Variants in RAPGEF2 observed in about 807,000 individuals in gnomAD.
The protein encoded by RAPGEF2 is PDZ domain containing guanine nucleotide exchange factor (GEF) 1.
In RAPGEF2, 54 loss-of-function variants were observed where a neutral mutation model predicts 186.7. The ratio of observed to expected loss-of-function variants is 0.29; its 90% CI spans 0.23 to 0.36. The LOEUF (loss-of-function observed/expected upper bound fraction) is 0.36. RAPGEF2 is among the 10% of genes least tolerant of loss of function. The pLI is 1.00. For missense variants in RAPGEF2, 1,532 were observed against 2,045.0 expected (o/e 0.75, Z 4.84); for synonymous variants, 712 against 705.9 (o/e 1.01, Z -0.14).
intron 7 of RAPGEF2, among the ~76,000 whole-genome samples, chr4:159,248,303 A>G (rs1754892409): frequency 6.6e-6 from 1 of 152,208 alleles, no homozygotes; most frequent in Non-Finnish European, 1.5e-5. Flanking sequence ...AAGAGGATGA[A>G]GAGAGAGTGT....
At chr4:159,221,537 G>A (rs776005098) in intron 4 of RAPGEF2, among the ~76,000 whole-genome samples, 6 of 152,146 alleles carry the variant, frequency 3.9e-5, no homozygotes, top group Non-Finnish European at 7.3e-5. Flanking sequence ...ACTCTGCAAC[G>A]TGATGTGCCC....
chr4:159,145,138 C>T (rs540027189), intron 1 of RAPGEF2, among the ~76,000 whole-genome samples: 1 of 152,152 alleles, frequency 6.6e-6, no homozygotes, highest in South Asian at 2.1e-4. Context: ...GCCTCAGCTT[C>T]CCAAAATGCT....
At chr4:159,219,079 A>C (rs753124095) in intron 4 of RAPGEF2, among the ~76,000 whole-genome samples, 1 of 152,072 alleles carries the variant, frequency 6.6e-6, no homozygotes, top group Admixed American at 6.5e-5. Context: ...GCATAAATAT[A>C]TATTTGTTTG....
chr4:159,224,577 G>A (rs1478286120), intron 4 of RAPGEF2, among the ~76,000 whole-genome samples: 1 of 152,326 alleles, frequency 6.6e-6, no homozygotes, highest in East Asian at 1.9e-4. Context: ...CCACGCCCTA[G>A]AGATTTTGGT....
chr4:159,131,485 G>A (rs953296939), intron 1 of RAPGEF2, among the ~76,000 whole-genome samples: 1 of 102,634 alleles, frequency 9.7e-6, no homozygotes, highest in Non-Finnish European at 1.9e-5. Flanking sequence ...AGACTTAAAT[G>A]TATTATCTTG....
At chr4:159,324,098 T>C (rs1190431598) in intron 11 of RAPGEF2, among the ~76,000 whole-genome samples, 1 of 151,782 alleles carries the variant, frequency 6.6e-6, no homozygotes, top group Non-Finnish European at 1.5e-5. Flanking sequence ...GGTTTCACCA[T>C]ATTGGCCATG....
At chr4:159,306,104 T>C (rs1438587907) in intron 8 of RAPGEF2, among the ~76,000 whole-genome samples, 2 of 152,084 alleles carry the variant, frequency 1.3e-5, no homozygotes, top group Non-Finnish European at 2.9e-5. Context: ...TTGCTTTCAC[T>C]ATTCAGGCTC....
intron 7 of RAPGEF2, among the ~76,000 whole-genome samples, chr4:159,252,667 C>T (rs1755604261): frequency 6.6e-6 from 1 of 152,138 alleles, no homozygotes. Flanking sequence ...ATTAAGTTGT[C>T]AGAGGGTTCT....
At position 159,318,876 on chromosome 4, in the gene RAPGEF2, A is replaced by C. The variant is rs1294237753; in HGVS notation, c.854-3471A>C. On this transcript the variant is annotated intron_variant, in intron 9 of 29. Transcript: ENST00000691494. Reference sequence around the variant, plus strand: ...AGTTAATTATTTGGGTTTTTTTATAATGGTACATTGTAAATAAAATGTTTT... The same window carrying C: ...AGTTAATTATTTGGGTTTTTTTATACTGGTACATTGTAAATAAAATGTTTT... Among the ~76,000 whole-genome samples, 3 of 152,168 alleles carry C rather than the reference A, an allele frequency of 2.0e-5. No individual in the cohort carries two copies. In the East Asian group the frequency reaches 5.8e-4, roughly 29 times the overall value.
At chr4:159,260,930 A>G (rs1045106904) in intron 7 of RAPGEF2, among the ~76,000 whole-genome samples, 29 of 152,086 alleles carry the variant, frequency 1.9e-4, no homozygotes, top group Non-Finnish European at 7.4e-5. Flanking sequence ...TTGTATTTTT[A>G]GTAGAGACAG....
chr4:159,220,072 G>A (rs1185698967), intron 4 of RAPGEF2, among the ~76,000 whole-genome samples: 1 of 152,182 alleles, frequency 6.6e-6, no homozygotes, highest in Non-Finnish European at 1.5e-5. Flanking sequence ...CAACTTGGGA[G>A]TCCTATGTGA....
chr4:159,229,498 GT>G (rs1000103125), intron 4 of RAPGEF2: 1 of 152,208 alleles, frequency 6.6e-6, no homozygotes, highest in Non-Finnish European at 1.5e-5. Flanking sequence ...CCTGTCTGGT[GT>G]TTCATTGCCT....
At chr4:159,125,731 C>T (rs894220379) in intron 1 of RAPGEF2, among the ~76,000 whole-genome samples, 9 of 150,646 alleles carry the variant, frequency 6.0e-5, no homozygotes, top group Admixed American at 4.0e-4. Context: ...GCACTCCAGC[C>T]TGGGCGACAG....
Position 159,148,524 on chromosome 4 carries a change from G to A in RAPGEF2, c.70-38118G>A, listed in dbSNP as rs145920742. Among the ~76,000 whole-genome samples, 1,066 of 152,080 alleles carry A rather than the reference G, an allele frequency of 7.0e-3. 8 individuals are homozygous for A. The highest frequency in any genetic ancestry group is 0.012 in the Non-Finnish European group (817 of 67,950). The stretch of plus-strand genomic sequence containing the variant: ...AATAATTTTTCCTGATTTTATTTCC[G>A]TTTTGCCTTTAAATCCTTTGAAGCA... On this transcript the variant is annotated intron_variant, in intron 1 of 29. Transcript: ENST00000691494.
intron 29 of RAPGEF2, among the ~76,000 whole-genome samples, chr4:159,356,757 C>T (rs1239768852): frequency 6.6e-6 from 1 of 151,924 alleles, no homozygotes; most frequent in African/African-American, 2.4e-5. Flanking sequence ...AAAAATTAGC[C>T]GGGTATGGTG....
At chr4:159,171,323 G>C (rs1745883285) in intron 1 of RAPGEF2, among the ~76,000 whole-genome samples, 1 of 152,178 alleles carries the variant, frequency 6.6e-6, no homozygotes, top group South Asian at 2.1e-4. Context: ...AAAAGAAAGT[G>C]CCTACTACAC....
At position 159,186,656 on chromosome 4, in the gene RAPGEF2, A is replaced by G. The variant is rs999888284; in HGVS notation, c.84A>G (p.Val28=). ...PERTPQDLEI[V]YSYLHGMEAL... is the part of the protein sequence containing the mutation. Reference sequence around the variant, plus strand: ...CTTTGAAACAGGATCTGGAAATAGTATATTCCTATTTACATGGTATGGAAG... The same window carrying G: ...CTTTGAAACAGGATCTGGAAATAGTGTATTCCTATTTACATGGTATGGAAG... Residue 28 remains valine, a synonymous_variant, in exon 2 of 30, where the codon GTA becomes GTG. Transcript: ENST00000691494. 34 of 1,456,284 alleles carry G rather than the reference A, an allele frequency of 2.3e-5. No individual in the cohort carries two copies. Among genetic ancestry groups the G allele is most frequent in the African/African-American group, 1.6e-4 (11 of 70,300 alleles). 90.2% of individuals were successfully genotyped at this position (1,456,284 alleles called of 1,614,324 possible). A position where few individuals can be genotyped will look rare whatever the true frequency, so the allele number is the denominator to read the frequency against.
intron 15 of RAPGEF2, 25 bp from the exon 16 acceptor site, chr4:159,331,901 A>G: frequency 6.3e-7 from 1 of 1,589,342 alleles, no homozygotes; most frequent in East Asian, 2.2e-5. Flanking sequence ...GTCAATTTTG[A>G]TACATTTTAT....
intron 8 of RAPGEF2, among the ~76,000 whole-genome samples, chr4:159,313,197 G>T (rs1392987239): frequency 2.6e-5 from 4 of 152,144 alleles, no homozygotes; most frequent in Non-Finnish European, 5.9e-5. Context: ...AATTTATTCT[G>T]TAAATATTAA....
Sources: gnomAD v4.1 joint callset for allele counts (sites outside exome capture counted in the v4.1 genomes callset) on GRCh38, gnomAD v4.1.1 for gene constraint, MANE v1.5 for transcripts, NCBI Gene and HGNC (gene_info 2026-07-23, HGNC 2026-07-21) for gene names.